Variants in TBC1D4 observed in about 807,000 individuals in gnomAD.
TBC1D4 encodes the protein TBC1 domain family member 4, also known as TBC (Tre-2, BUB2, CDC16) domain-containing protein.
Under a neutral mutation model 142.5 loss-of-function variants are expected in TBC1D4, and 121 were observed. The ratio of observed to expected loss-of-function variants is 0.85; its 90% CI spans 0.73 to 0.99. The LOEUF (loss-of-function observed/expected upper bound fraction) is 0.99, where lower values mean the gene tolerates loss of function less well. TBC1D4 is among the 50% of genes least tolerant of loss of function. The pLI, the probability that TBC1D4 is intolerant of heterozygous loss-of-function variation, is 0.00. For missense variants in TBC1D4, 1,475 were observed against 1,606.6 expected, an observed-to-expected ratio of 0.92 and a Z score of 1.40; for synonymous variants, 630 against 628.2, an observed-to-expected ratio of 1.00 and a Z score of -0.04.
intron 1 of TBC1D4, among the ~76,000 whole-genome samples, chr13:75,449,580 A>G (rs527261813): frequency 1.3e-5 from 2 of 150,868 alleles, no homozygotes; most frequent in South Asian, 2.1e-4. Flanking sequence ...CAGTTTTAAC[A>G]TACATAGTTT....
chr13:75,445,383 T>C (rs1298062457), intron 1 of TBC1D4, among the ~76,000 whole-genome samples: 1 of 152,220 alleles, frequency 6.6e-6, no homozygotes, highest in Non-Finnish European at 1.5e-5. Flanking sequence ...ACTGGGCTTG[T>C]TGTAGATACT....
intron 1 of TBC1D4, among the ~76,000 whole-genome samples, chr13:75,419,911 T>C (rs185001564): frequency 1.3e-5 from 2 of 152,318 alleles, no homozygotes; most frequent in Non-Finnish European, 2.9e-5. Flanking sequence ...AACGGTGTGC[T>C]ACTAGCAAAA....
At chr13:75,330,443 T>G (rs1355925276) in intron 8 of TBC1D4, among the ~76,000 whole-genome samples, 1 of 152,248 alleles carries the variant, frequency 6.6e-6, no homozygotes, top group Non-Finnish European at 1.5e-5. Context: ...ACGCTTATCA[T>G]GTGCCATATA....
chr13:75,338,115 T>C (rs1266462642), intron 7 of TBC1D4, among the ~76,000 whole-genome samples: 2 of 151,112 alleles, frequency 1.3e-5, no homozygotes, highest in African/African-American at 2.4e-5. Flanking sequence ...AAAAGAAGTG[T>C]TCAAAAACAC....
At chr13:75,475,596 T>C (rs1481003677) in intron 1 of TBC1D4, among the ~76,000 whole-genome samples, 1 of 152,256 alleles carries the variant, frequency 6.6e-6, no homozygotes, top group Non-Finnish European at 1.5e-5. Context: ...GCTGCTATTT[T>C]TCTGACTTGA....
At chr13:75,434,795 A>T (rs538099704) in intron 1 of TBC1D4, among the ~76,000 whole-genome samples, 1 of 152,088 alleles carries the variant, frequency 6.6e-6, no homozygotes, top group African/African-American at 2.4e-5. Flanking sequence ...AGTTTCACAG[A>T]TCTAAAAACT....
At chr13:75,326,684 A>G (rs1320398607) in intron 9 of TBC1D4, among the ~76,000 whole-genome samples, 1 of 152,204 alleles carries the variant, frequency 6.6e-6, no homozygotes. Context: ...GCATCCGTAA[A>G]GACAGGCCAG....
chr13:75,410,115 G>A (rs1349082623), intron 1 of TBC1D4, among the ~76,000 whole-genome samples: 3 of 152,292 alleles, frequency 2.0e-5, no homozygotes, highest in African/African-American at 4.8e-5. Flanking sequence ...ATAAGCTAAT[G>A]TACGTAAATA....
intron 1 of TBC1D4, among the ~76,000 whole-genome samples, chr13:75,406,352 C>T (rs946630571): frequency 6.6e-6 from 1 of 152,168 alleles, no homozygotes; most frequent in African/African-American, 2.4e-5. Flanking sequence ...GAAAAATGTC[C>T]AAGGTACTTA....
At position 75,482,027 on chromosome 13, in the gene TBC1D4, C is replaced by T; in HGVS notation, c.-260G>A. 1 of 402,248 alleles carries T rather than the reference C, an allele frequency of 2.5e-6. No individual in the cohort carries two copies. The highest frequency in any genetic ancestry group is 4.3e-6 in the Non-Finnish European group (1 of 234,912). 24.9% of individuals were successfully genotyped at this position (402,248 alleles called of 1,614,324 possible). A position where few individuals can be genotyped will look rare whatever the true frequency, so the allele number is the denominator to read the frequency against. On this transcript the variant is annotated 5_prime_UTR_variant, in exon 1 of 21. Coordinates refer to ENST00000377636, the MANE Select transcript of TBC1D4 (RefSeq NM_014832.5). ...GGCGGGTTAAATGGGCATCCTCCTC[C>T]TTGGGCTGGCGCCTCGGGCAGGACC...
intron 11 of TBC1D4, among the ~76,000 whole-genome samples, chr13:75,321,886 G>A (rs963634682): frequency 2.0e-5 from 3 of 152,220 alleles, no homozygotes. Flanking sequence ...CTCATTAAAA[G>A]AGGAATTAAA....
chr13:75,348,847 C>G lies in TBC1D4; in HGVS notation c.1408+323G>C, dbSNP rs140925880. ...CAACAAATATTTGGTCAGTTCCCAC[C>G]ATGTACTTAGCAGAGTCTTAAAAAC... is the stretch of plus-strand genomic sequence containing the variant. On this transcript the variant is annotated intron_variant, in intron 5 of 20. Coordinates refer to ENST00000377636, the MANE Select transcript of TBC1D4 (RefSeq NM_014832.5). Among the ~76,000 whole-genome samples the G allele has an allele frequency of 3.1e-3, 476 of 152,082 alleles. 2 individuals carry two copies. Among genetic ancestry groups the G allele is most frequent in the African/African-American group, 0.011 (466 of 41,494 alleles).
intron 1 of TBC1D4, among the ~76,000 whole-genome samples, chr13:75,371,235 C>T (rs921239736): frequency 3.3e-5 from 5 of 152,158 alleles, no homozygotes; most frequent in East Asian, 1.9e-4. Flanking sequence ...GTAGGAGAAA[C>T]AAGTGAGTCA....
At chr13:75,413,382 G>T (rs1243212859) in intron 1 of TBC1D4, among the ~76,000 whole-genome samples, 1 of 152,088 alleles carries the variant, frequency 6.6e-6, no homozygotes, top group Non-Finnish European at 1.5e-5. Context: ...GGGTGGTCTC[G>T]ATCTCTTGAC....
At chr13:75,394,852 A>G (rs1013804000) in intron 1 of TBC1D4, among the ~76,000 whole-genome samples, 1 of 152,204 alleles carries the variant, frequency 6.6e-6, no homozygotes, top group African/African-American at 2.4e-5. Flanking sequence ...ACAGGAACAG[A>G]CTGTAGCCAA....
chr13:75,463,775 C>T (rs1387044730), intron 1 of TBC1D4, among the ~76,000 whole-genome samples: 1 of 152,132 alleles, frequency 6.6e-6, no homozygotes, highest in Admixed American at 6.5e-5. Flanking sequence ...GAAATAAGAA[C>T]TCCTGATTTA....
intron 1 of TBC1D4, among the ~76,000 whole-genome samples, chr13:75,415,737 A>G (rs554661712): frequency 6.6e-6 from 1 of 152,334 alleles, no homozygotes; most frequent in East Asian, 1.9e-4. Flanking sequence ...TTTAAGGGAA[A>G]ACTTCTTAGA....
At chr13:75,391,032 CCACACACACACACACACA>C (rs71127539) in intron 1 of TBC1D4, among the ~76,000 whole-genome samples, 55 of 136,790 alleles carry the variant, frequency 4.0e-4, no homozygotes, top group East Asian at 3.0e-3. Flanking sequence ...TATTCCCCCA[CCACACACACACACACACA>C]CACACACACA....
chr13:75,480,745 A>G (rs1593933638), intron 1 of TBC1D4, among the ~76,000 whole-genome samples: 1 of 152,194 alleles, frequency 6.6e-6, no homozygotes, highest in Admixed American at 6.5e-5. Context: ...CAGACCGGAG[A>G]CCTGCAGGTG....
Sources: allele counts gnomAD v4.1 joint callset (sites outside exome capture counted in the v4.1 genomes callset), GRCh38; gene constraint gnomAD v4.1.1; transcripts MANE v1.5; gene names NCBI Gene and HGNC (gene_info 2026-07-23, HGNC 2026-07-21).